The following ZMAT4 variants were observed in gnomAD, a reference collection of about 807,000 sequenced individuals.
The protein encoded by ZMAT4 is zinc finger matrin-type protein 4.
In ZMAT4, 17 loss-of-function variants were observed where a neutral mutation model predicts 28.7. The observed-to-expected ratio is 0.59, with a 90% confidence interval of 0.41 to 0.89. ZMAT4 has a LOEUF of 0.89. Among genes scored for constraint, ZMAT4 ranks in the 40% least tolerant of loss-of-function variants. ZMAT4 has a pLI of 0.00. For synonymous variants in ZMAT4, 117 were observed against 109.2 expected (o/e 1.07, Z -0.44); for missense variants, 240 against 283.8 (o/e 0.85, Z 1.11).
intron 6 of ZMAT4, among the ~76,000 whole-genome samples, chr8:40,574,821 T>C (rs1804209069): frequency 6.6e-6 from 1 of 152,196 alleles, no homozygotes; most frequent in South Asian, 2.1e-4. Context: ...TAGTTCTTAC[T>C]ACAGGGGAAT....
At chr8:40,597,423 G>A (rs1409767008) in intron 5 of ZMAT4, among the ~76,000 whole-genome samples, 1 of 152,172 alleles carries the variant, frequency 6.6e-6, no homozygotes, top group African/African-American at 2.4e-5. Context: ...TTGGGCCTGG[G>A]CTTGCTGCTT....
rs774919666 is a variant in ZMAT4 at position 40,801,352 on chromosome 8, A to AAAAAAATATATATATATATATATG, written c.102+24222_102+24223insCATATATATATATATATATTTTTT. ...GATGATACTTTCTTTAAAAAAAAAA[A>AAAAAAATATATATATATATATATG]TATATATATATATATATATACATAT... is the stretch of plus-strand genomic sequence containing the variant. On this transcript the variant is annotated intron_variant, in intron 2 of 6. Coordinates refer to ENST00000297737, the MANE Select transcript of ZMAT4 (RefSeq NM_024645.3). Among the ~76,000 whole-genome samples the AAAAAAATATATATATATATATATG allele has an allele frequency of 4.7e-3, 339 of 72,102 alleles. 2 individuals carry two copies. Among genetic ancestry groups the AAAAAAATATATATATATATATATG allele is most frequent in the African/African-American group, 0.015 (322 of 21,750 alleles). The allele number at this position is 72,102 out of a possible 152,430, so 47.3% of individuals were successfully genotyped here. A position where few individuals can be genotyped will look rare whatever the true frequency, so the allele number is the denominator to read the frequency against.
At chr8:40,644,168 T>A (rs907420633) in intron 5 of ZMAT4, among the ~76,000 whole-genome samples, 4 of 152,100 alleles carry the variant, frequency 2.6e-5, no homozygotes, top group Non-Finnish European at 5.9e-5. Context: ...GATGCCATTT[T>A]AAAAAAATAT....
chr8:40,685,293 T>G (rs1468208615), intron 4 of ZMAT4, among the ~76,000 whole-genome samples: 5 of 152,128 alleles, frequency 3.3e-5, no homozygotes, highest in Admixed American at 6.5e-5. Context: ...CCCTAGTCCC[T>G]GAGGGCTTGA....
intron 1 of ZMAT4, among the ~76,000 whole-genome samples, chr8:40,830,535 A>G (rs2150617139): frequency 6.6e-6 from 1 of 152,302 alleles, no homozygotes; most frequent in South Asian, 2.1e-4. Flanking sequence ...GTTGTGTGGT[A>G]TTCCATGGTA....
At chr8:40,674,457 A>C in intron 5 of ZMAT4, 2 of 465,496 alleles carry the variant, frequency 4.3e-6, no homozygotes, top group Non-Finnish European at 7.7e-6. Context: ...CTGGTTCATG[A>C]ATGTGCCTTT....
chr8:40,881,607 A>G (rs1038403720), intron 1 of ZMAT4, among the ~76,000 whole-genome samples: 11 of 151,554 alleles, frequency 7.3e-5, no homozygotes, highest in East Asian at 1.9e-4. Context: ...AGAAAAGAAA[A>G]GAAAAGAGAG....
chr8:40,729,751 A>T (rs970814798), intron 3 of ZMAT4, among the ~76,000 whole-genome samples: 1 of 152,092 alleles, frequency 6.6e-6, no homozygotes, highest in African/African-American at 2.4e-5. Context: ...GGCACGTGCC[A>T]CCACACCCAG....
chr8:40,782,136 C>G (rs1012254031), intron 2 of ZMAT4, among the ~76,000 whole-genome samples: 5 of 152,056 alleles, frequency 3.3e-5, no homozygotes, highest in Non-Finnish European at 7.4e-5. Context: ...ACCTGTAATC[C>G]CAGCATTTTG....
At chr8:40,857,524 T>C (rs1207701712) in intron 1 of ZMAT4, among the ~76,000 whole-genome samples, 1 of 152,174 alleles carries the variant, frequency 6.6e-6, no homozygotes, top group African/African-American at 2.4e-5. Context: ...TGACAATACA[T>C]AGTGCTGGGG....
intron 2 of ZMAT4, among the ~76,000 whole-genome samples, chr8:40,769,818 C>T (rs2150563231): frequency 6.7e-6 from 1 of 150,262 alleles, no homozygotes; most frequent in East Asian, 2.0e-4. Context: ...CTAAAGTATT[C>T]CATTTCTTTT....
intron 5 of ZMAT4, among the ~76,000 whole-genome samples, chr8:40,654,707 C>A (rs1791578429): frequency 6.6e-6 from 1 of 152,144 alleles, no homozygotes; most frequent in East Asian, 1.9e-4. Context: ...ATAAAAATCG[C>A]CTGATCATCT....
chr8:40,854,829 G>T (rs1348877394), intron 1 of ZMAT4, among the ~76,000 whole-genome samples: 1 of 152,118 alleles, frequency 6.6e-6, no homozygotes, highest in African/African-American at 2.4e-5. Context: ...ATTTGGAAAA[G>T]AAAGGAGGAG....
At chr8:40,656,256 T>C (rs1322890202) in intron 5 of ZMAT4, among the ~76,000 whole-genome samples, 1 of 152,104 alleles carries the variant, frequency 6.6e-6, no homozygotes, top group African/African-American at 2.4e-5. Context: ...ACTTACTATG[T>C]CATATTCTAG....
intron 3 of ZMAT4, among the ~76,000 whole-genome samples, chr8:40,730,856 G>T (rs1477376908): frequency 9.9e-5 from 15 of 152,120 alleles, no homozygotes; most frequent in South Asian, 2.1e-4. Flanking sequence ...TTGGAACTCT[G>T]GAGTCCATTG....
intron 3 of ZMAT4, among the ~76,000 whole-genome samples, chr8:40,712,240 T>C (rs1343714078): frequency 1.3e-5 from 2 of 152,200 alleles, no homozygotes; most frequent in Non-Finnish European, 2.9e-5. Flanking sequence ...AGTTTGTATG[T>C]GGAAAGTACT....
At chr8:40,742,749 GCA>G (rs10533331) in intron 3 of ZMAT4, among the ~76,000 whole-genome samples, 783 of 5,540 alleles carry the variant, frequency 0.14, 4 homozygotes, top group African/African-American at 0.18. Flanking sequence ...GTGCACGCAT[GCA>G]CACACACACA....
chr8:40,614,825 A>C (rs1227233540), intron 5 of ZMAT4, among the ~76,000 whole-genome samples: 4 of 152,116 alleles, frequency 2.6e-5, no homozygotes, highest in African/African-American at 9.7e-5. Context: ...GTGTCTCTGC[A>C]CGTGAGATGG....
At chr8:40,534,359 C>A (rs570839253) in intron 6 of ZMAT4, among the ~76,000 whole-genome samples, 2 of 152,142 alleles carry the variant, frequency 1.3e-5, no homozygotes, top group South Asian at 4.1e-4. Flanking sequence ...TTAATAAACA[C>A]GCAGCCATCC....
Sources: allele counts gnomAD v4.1 joint callset (sites outside exome capture counted in the v4.1 genomes callset), GRCh38; gene constraint gnomAD v4.1.1; transcripts MANE v1.5; gene names NCBI Gene and HGNC (gene_info 2026-07-23, HGNC 2026-07-21).